Variants in SLC25A20 observed in about 807,000 individuals in gnomAD.
SLC25A20 encodes solute carrier family 25 member 20.
In SLC25A20, 29 loss-of-function variants were observed where a neutral mutation model predicts 39.7. The observed-to-expected ratio is 0.73, with a 90% CI of 0.54 to 1.00. The LOEUF (loss-of-function observed/expected upper bound fraction) is 1.00. Ranked by LOEUF, SLC25A20 falls within the 50% of genes least tolerant of loss-of-function variation. The pLI is 0.00. For missense variants in SLC25A20, 333 were observed against 379.9 expected (o/e 0.88, Z 1.03); for synonymous variants, 103 against 142.2 (o/e 0.72, Z 1.96).
chr3:48,879,576 A>G, intron 3 of SLC25A20, 128 bp from the exon 4 acceptor site: 2 of 726,536 alleles, frequency 2.8e-6, no homozygotes, highest in Non-Finnish European at 5.0e-6. Context: ...AAGCCTAGCC[A>G]CAAATGAATC....
intron 5 of SLC25A20, among the ~76,000 whole-genome samples, chr3:48,860,603 CA>C (rs1389606417): frequency 4.0e-5 from 6 of 148,468 alleles, no homozygotes; most frequent in Non-Finnish European, 4.5e-5. Context: ...GACTCCATCT[CA>C]AAAAAAAATA....
chr3:48,892,446 G>C (rs952014803), intron 1 of SLC25A20, among the ~76,000 whole-genome samples: 1 of 152,116 alleles, frequency 6.6e-6, no homozygotes, highest in African/African-American at 2.4e-5. Context: ...GAATTCTCCA[G>C]AGAAACAGAA....
chr3:48,869,274 G>C (rs1483783419), intron 4 of SLC25A20, among the ~76,000 whole-genome samples: 1 of 152,192 alleles, frequency 6.6e-6, no homozygotes, highest in Non-Finnish European at 1.5e-5. Context: ...CAAGATGTCA[G>C]AGACATTAGA....
At chr3:48,874,657 ATAGT>A (rs1441405465) in intron 4 of SLC25A20, among the ~76,000 whole-genome samples, 4 of 152,208 alleles carry the variant, frequency 2.6e-5, no homozygotes, top group African/African-American at 9.6e-5. Flanking sequence ...AGGTGGAAGA[ATAGT>A]TAAATTATGA....
chr3:48,859,019 A>G, intron 7 of SLC25A20, 73 bp downstream of exon 7: 1 of 1,208,586 alleles, frequency 8.3e-7, no homozygotes, highest in Non-Finnish European at 1.2e-6. Context: ...GGGCCTTATG[A>G]GCTTTGCACC....
intron 4 of SLC25A20, among the ~76,000 whole-genome samples, chr3:48,868,379 C>T (rs981103035): frequency 9.9e-5 from 15 of 152,156 alleles, no homozygotes; most frequent in African/African-American, 3.4e-4. Flanking sequence ...TGAACACAAA[C>T]ATTCCCTAGG....
At chr3:48,867,757 C>T (rs1226916132) in intron 4 of SLC25A20, among the ~76,000 whole-genome samples, 1 of 151,504 alleles carries the variant, frequency 6.6e-6, no homozygotes, top group East Asian at 2.0e-4. Context: ...CACAGGCCAT[C>T]CTTGGTAGAA....
chr3:48,865,515 ACTCTGGGAG>A (rs1294219765), intron 4 of SLC25A20, among the ~76,000 whole-genome samples: 3 of 148,760 alleles, frequency 2.0e-5, no homozygotes, highest in African/African-American at 7.5e-5. Context: ...TAATCTCAGC[ACTCTGGGAG>A]GCTGAAGTGG....
At position 48,863,105 on chromosome 3, in the gene SLC25A20, G is replaced by A. The variant is rs147544075; in HGVS notation, c.418-446C>T. 1.2e-4 allele frequency among the ~76,000 whole-genome samples: 19 copies of A among 152,192 alleles called. 1 individual carries two copies. The East Asian group carries it at 1.9e-3, about 15-fold the overall frequency. ...CTCAGGAGGCTGAGGCAGGAGAATC[G>A]CCTGAACTTGGGAGGCAGAGGTTGC... On this transcript the variant is annotated intron_variant, in intron 4 of 8. Coordinates refer to ENST00000319017, the MANE Select transcript of SLC25A20 (RefSeq NM_000387.6).
At position 48,898,867 on chromosome 3, in the gene SLC25A20, G is replaced by A; in HGVS notation, c.-73C>T. On this transcript the variant is annotated 5_prime_UTR_variant, in exon 1 of 9. Transcript: ENST00000319017. Reference sequence around the variant, plus strand: ...CTTCTCAGCCCCAGCTGCAGTGCCGGCGCCGCCGACCTTTCACCCACTTTT... The same window carrying A: ...CTTCTCAGCCCCAGCTGCAGTGCCGACGCCGCCGACCTTTCACCCACTTTT... 1 of 1,454,328 alleles carries A rather than the reference G, an allele frequency of 6.9e-7. No individual in the cohort carries two copies. Among genetic ancestry groups the A allele is most frequent in the African/African-American group, 1.4e-5 (1 of 71,114 alleles). 90.1% of individuals were successfully genotyped at this position (1,454,328 alleles called of 1,614,324 possible).
At chr3:48,861,749 G>A (rs566308806) in intron 5 of SLC25A20, among the ~76,000 whole-genome samples, 3 of 151,656 alleles carry the variant, frequency 2.0e-5, no homozygotes, top group African/African-American at 4.8e-5. Flanking sequence ...TAATAAGGCC[G>A]GGTGCGGTGG....
chr3:48,882,689 C>A (rs1256427275), intron 3 of SLC25A20, among the ~76,000 whole-genome samples: 1 of 152,032 alleles, frequency 6.6e-6, no homozygotes, highest in African/African-American at 2.4e-5. Context: ...GAGAGCACCC[C>A]CCGCCGCCCC....
At chr3:48,888,628 C>G (rs959363595) in intron 2 of SLC25A20, among the ~76,000 whole-genome samples, 6 of 150,476 alleles carry the variant, frequency 4.0e-5, no homozygotes, top group Middle Eastern at 3.4e-3. Context: ...TTAAAAAGAT[C>G]TTCCTTCTGC....
At chr3:48,877,056 A>C (rs1257013949) in intron 4 of SLC25A20, among the ~76,000 whole-genome samples, 1 of 151,966 alleles carries the variant, frequency 6.6e-6, no homozygotes. Context: ...AAATCATACC[A>C]CTGCACTCCA....
At chr3:48,864,804 A>T (rs1413434149) in intron 4 of SLC25A20, among the ~76,000 whole-genome samples, 1 of 152,208 alleles carries the variant, frequency 6.6e-6, no homozygotes, top group Non-Finnish European at 1.5e-5. Context: ...ACAGCGATGA[A>T]GGTGGCCTGA....
intron 1 of SLC25A20, among the ~76,000 whole-genome samples, chr3:48,898,228 A>C (rs537717702): frequency 6.6e-4 from 100 of 152,294 alleles, no homozygotes; most frequent in Non-Finnish European, 1.3e-3. Flanking sequence ...GAAAGGTGCG[A>C]AAGAGATGGG....
Position 48,859,597 on chromosome 3 carries a change from GT to G in SLC25A20, c.565del (p.Thr189HisfsTer5). The G allele has an allele frequency of 1.9e-6, 3 of 1,613,892 alleles. No homozygotes were observed. The highest frequency in any genetic ancestry group is 2.5e-6 in the Non-Finnish European group (3 of 1,179,772). On this transcript the variant is annotated frameshift_variant, in exon 6 of 9. Coordinates refer to ENST00000319017, the MANE Select transcript of SLC25A20 (RefSeq NM_000387.6). LOFTEE classifies it high-confidence loss of function. ...DVPASGMYFM[T>X]YEWLKNIFTP... is the part of the protein sequence containing the mutation. ...GAAGATATTTTTCAGCCATTCATATGTCATGAAATACATTCCACTAGCTGGG... is the reference window on the plus strand; with the variant it reads ...GAAGATATTTTTCAGCCATTCATATGCATGAAATACATTCCACTAGCTGGG...
intron 3 of SLC25A20, among the ~76,000 whole-genome samples, chr3:48,883,106 A>G (rs1158327629): frequency 6.6e-6 from 1 of 151,840 alleles, no homozygotes; most frequent in Non-Finnish European, 1.5e-5. Context: ...GAGGCAGGAG[A>G]ATGGTGTGAA....
intron 1 of SLC25A20, chr3:48,895,677 C>T (rs966529280): frequency 5.0e-6 from 2 of 396,952 alleles, no homozygotes; most frequent in African/African-American, 4.2e-5. Flanking sequence ...CAAGGAAGTC[C>T]CTCTCTGGGC....
Sources: gnomAD v4.1 joint callset for allele counts (sites outside exome capture counted in the v4.1 genomes callset) on GRCh38, gnomAD v4.1.1 for gene constraint, MANE v1.5 for transcripts, NCBI Gene and HGNC (gene_info 2026-07-23, HGNC 2026-07-21) for gene names.